Variants in DPYD observed in about 807,000 individuals in gnomAD.
DPYD encodes dihydropyrimidine dehydrogenase [NADP(+)].
A neutral mutation model predicts 116.2 loss-of-function variants in DPYD; 109 were observed. The ratio of observed to expected loss-of-function variants is 0.94; its 90% CI spans 0.80 to 1.10. The LOEUF is 1.10. DPYD is among the 50% of genes least tolerant of loss of function. DPYD has a pLI of 0.00. For missense variants in DPYD, 1,302 were observed against 1,254.5 expected, an observed-to-expected ratio of 1.04 and a Z score of -0.57; for synonymous variants, 440 against 432.0, an observed-to-expected ratio of 1.02 and a Z score of -0.23.
chr1:97,720,185 CACAA>C (rs1662844598), intron 5 of DPYD: 3 of 984,606 alleles, frequency 3.0e-6, no homozygotes, highest in South Asian at 4.7e-5. Context: ...CACACACACA[CACAA>C]ACACACACAC....
chr1:97,300,359 C>G (rs1666788729), intron 18 of DPYD, among the ~76,000 whole-genome samples: 1 of 152,024 alleles, frequency 6.6e-6, no homozygotes, highest in South Asian at 2.1e-4. Flanking sequence ...AAGATGATTA[C>G]AATAGATAGC....
chr1:97,293,570 G>T (rs1421081926), intron 18 of DPYD, among the ~76,000 whole-genome samples: 1 of 152,100 alleles, frequency 6.6e-6, no homozygotes, highest in African/African-American at 2.4e-5. Flanking sequence ...TAGTAAGATG[G>T]CCTATATTCT....
At chr1:97,777,414 G>A (rs1666469709) in intron 3 of DPYD, among the ~76,000 whole-genome samples, 1 of 152,140 alleles carries the variant, frequency 6.6e-6, no homozygotes, top group Non-Finnish European at 1.5e-5. Context: ...AAAATCTACT[G>A]TATGTTGCTT....
intron 19 of DPYD, among the ~76,000 whole-genome samples, chr1:97,223,402 C>CACAG (rs1027179941): frequency 4.0e-5 from 6 of 150,940 alleles, no homozygotes; most frequent in African/African-American, 1.5e-4. Context: ...CACACACACA[C>CACAG]ACACACACAC....
intron 12 of DPYD, among the ~76,000 whole-genome samples, chr1:97,524,982 T>C (rs1487223984): frequency 6.6e-6 from 1 of 152,244 alleles, no homozygotes; most frequent in Admixed American, 6.5e-5. Context: ...AACTGTATCC[T>C]TCCAATACCT....
intron 14 of DPYD, among the ~76,000 whole-genome samples, chr1:97,437,983 T>C (rs747851609): frequency 6.6e-6 from 1 of 152,042 alleles, no homozygotes; most frequent in Non-Finnish European, 1.5e-5. Context: ...TGAAAGACTA[T>C]ATTTTGTCCA....
At chr1:97,875,960 C>T (rs1361137672) in intron 2 of DPYD, among the ~76,000 whole-genome samples, 1 of 151,940 alleles carries the variant, frequency 6.6e-6, no homozygotes, top group Non-Finnish European at 1.5e-5. Context: ...AATTTACTTG[C>T]AGAACTAGTT....
At chr1:97,683,762 A>T (rs988930324) in intron 7 of DPYD, among the ~76,000 whole-genome samples, 12 of 152,104 alleles carry the variant, frequency 7.9e-5, no homozygotes, top group Non-Finnish European at 1.5e-4. Context: ...TGATAAATTT[A>T]AAAAATGCAA....
intron 19 of DPYD, among the ~76,000 whole-genome samples, chr1:97,203,673 CCAAAA>C (rs1472932396): frequency 2.0e-5 from 1 of 50,254 alleles, no homozygotes; most frequent in African/African-American, 8.9e-5. Flanking sequence ...CCCCCCCCCC[CCAAAA>C]AAAAAAAAAG....
rs371667720 is a variant in DPYD, at chr1:97,714,356, G to C, written c.483+7154C>G. On this transcript the variant is annotated intron_variant, in intron 5 of 22. Coordinates refer to ENST00000370192, the MANE Select transcript of DPYD (RefSeq NM_000110.4). Reference sequence around the variant, plus strand: ...GCCTCTTGAGTAGCTGGGACTAAAGGTGCACACCACCACAGCTGGCTAATT... The same window carrying C: ...GCCTCTTGAGTAGCTGGGACTAAAGCTGCACACCACCACAGCTGGCTAATT... 2.6e-5 allele frequency among the ~76,000 whole-genome samples: 4 copies of C among 152,006 alleles called. No homozygotes were observed. In the South Asian group the frequency reaches 8.3e-4, roughly 32 times the overall value.
intron 12 of DPYD, among the ~76,000 whole-genome samples, chr1:97,528,955 G>C (rs1226392442): frequency 2.0e-5 from 3 of 152,008 alleles, no homozygotes; most frequent in Non-Finnish European, 4.4e-5. Context: ...TTTCATGATA[G>C]CCTACAAGCT....
chr1:97,230,994 C>T (rs1033030227), intron 19 of DPYD, among the ~76,000 whole-genome samples: 1 of 152,146 alleles, frequency 6.6e-6, no homozygotes, highest in Non-Finnish European at 1.5e-5. Flanking sequence ...TAAGTAGAAA[C>T]TGACATTTGA....
Position 97,706,187 on chromosome 1 carries a change from TCTA to T in DPYD, c.484-6643_484-6641del, listed in dbSNP as rs552746209. ...ATAGATTTTGATATATTCTAGCCAC[TCTA>T]CTAACAAAAATAGCTGGTTATTATA... On this transcript the variant is annotated intron_variant, in intron 5 of 22. Coordinates refer to ENST00000370192, the MANE Select transcript of DPYD (RefSeq NM_000110.4). Among the ~76,000 whole-genome samples, 696 of 152,162 alleles carry T rather than the reference TCTA, an allele frequency of 4.6e-3. 3 individuals are homozygous for T. The highest frequency in any genetic ancestry group is 0.031 in the Middle Eastern group (9 of 294).
intron 6 of DPYD, among the ~76,000 whole-genome samples, chr1:97,694,978 C>T (rs1178023615): frequency 1.3e-5 from 2 of 152,156 alleles, no homozygotes; most frequent in East Asian, 1.9e-4. Flanking sequence ...TTGTGTTCTA[C>T]AGGAAAGTTA....
At chr1:97,819,580 G>C (rs1171511558) in intron 3 of DPYD, among the ~76,000 whole-genome samples, 5 of 151,710 alleles carry the variant, frequency 3.3e-5, no homozygotes, top group Admixed American at 2.6e-4. Flanking sequence ...AATTTCACTG[G>C]AAGTATTTTG....
chr1:97,609,906 A>G (rs1293888076), intron 8 of DPYD, among the ~76,000 whole-genome samples: 1 of 152,022 alleles, frequency 6.6e-6, no homozygotes, highest in Non-Finnish European at 1.5e-5. Flanking sequence ...ATTTTAGGTA[A>G]GCCACACCCA....
intron 20 of DPYD, among the ~76,000 whole-genome samples, chr1:97,105,933 T>A (rs1029133097): frequency 6.6e-6 from 1 of 152,160 alleles, no homozygotes; most frequent in African/African-American, 2.4e-5. Context: ...CTTATCCTTA[T>A]ATGGCTAAAA....
intron 19 of DPYD, among the ~76,000 whole-genome samples, chr1:97,206,719 T>C (rs1358999073): frequency 2.8e-5 from 4 of 143,874 alleles, no homozygotes; most frequent in Non-Finnish European, 6.1e-5. Context: ...TATGTGCGTA[T>C]ACATGTTTAT....
intron 13 of DPYD, among the ~76,000 whole-genome samples, chr1:97,460,729 G>C (rs1271193564): frequency 6.6e-6 from 1 of 152,076 alleles, no homozygotes; most frequent in Admixed American, 6.5e-5. Context: ...AACCAGTCAA[G>C]ATTAACTCCT....
Sources: allele counts gnomAD v4.1 joint callset (sites outside exome capture counted in the v4.1 genomes callset), GRCh38; gene constraint gnomAD v4.1.1; transcripts MANE v1.5; gene names NCBI Gene and HGNC (gene_info 2026-07-23, HGNC 2026-07-21).